STXBP5L: variants seen among roughly 807,000 people sequenced by gnomAD.
The protein encoded by STXBP5L is syntaxin binding protein 5L.
In STXBP5L, 65 loss-of-function variants were observed where a neutral mutation model predicts 144.5. That is an observed-to-expected ratio of 0.45 (90% CI 0.37 to 0.55). STXBP5L has a LOEUF of 0.55. Ranked by LOEUF, STXBP5L falls within the 20% of genes least tolerant of loss-of-function variation. STXBP5L has a pLI of 0.00. For synonymous variants in STXBP5L, 505 were observed against 469.6 expected, an observed-to-expected ratio of 1.08 and a Z score of -0.97; for missense variants, 1,298 against 1,405.5, an observed-to-expected ratio of 0.92 and a Z score of 1.22.
At chr3:121,256,654 G>T (rs1238014254) in intron 16 of STXBP5L, among the ~76,000 whole-genome samples, 1 of 151,722 alleles carries the variant, frequency 6.6e-6, no homozygotes, top group African/African-American at 2.4e-5. Context: ...TGCAATGAAA[G>T]TTTTTTATAC....
chr3:121,168,550 G>A (rs556797711), intron 9 of STXBP5L, among the ~76,000 whole-genome samples: 2 of 152,262 alleles, frequency 1.3e-5, no homozygotes, highest in Non-Finnish European at 2.9e-5. Context: ...GCATACACAA[G>A]TATCAATAGC....
chr3:121,087,497 T>C (rs1294418204), intron 5 of STXBP5L, among the ~76,000 whole-genome samples: 2 of 152,064 alleles, frequency 1.3e-5, no homozygotes, highest in Non-Finnish European at 2.9e-5. Flanking sequence ...AGTGTCTTCT[T>C]TCTAGTGATT....
chr3:121,320,988 C>T (rs1221848615), intron 20 of STXBP5L, among the ~76,000 whole-genome samples: 1 of 152,120 alleles, frequency 6.6e-6, no homozygotes, highest in Non-Finnish European at 1.5e-5. Flanking sequence ...CGTGAGCCAC[C>T]GTGCCCGGCC....
At chr3:121,363,093 T>C (rs2045762518) in intron 20 of STXBP5L, among the ~76,000 whole-genome samples, 1 of 152,124 alleles carries the variant, frequency 6.6e-6, no homozygotes, top group African/African-American at 2.4e-5. Context: ...CTGATGTGAC[T>C]GAATTGGTAT....
intron 19 of STXBP5L, among the ~76,000 whole-genome samples, chr3:121,296,557 T>C (rs1259719252): frequency 1.3e-5 from 2 of 151,828 alleles, no homozygotes; most frequent in Non-Finnish European, 2.9e-5. Context: ...TATGGAAGAG[T>C]GATACATTCA....
chr3:121,143,726 T>G (rs2045602669), intron 7 of STXBP5L, among the ~76,000 whole-genome samples: 1 of 151,830 alleles, frequency 6.6e-6, no homozygotes, highest in Admixed American at 6.6e-5. Context: ...TTTAAACAAG[T>G]GGTATTGAGA....
intron 14 of STXBP5L, among the ~76,000 whole-genome samples, chr3:121,241,711 A>G (rs2049678141): frequency 6.6e-6 from 1 of 152,186 alleles, no homozygotes. Context: ...GAAGAGAAGA[A>G]AGAGGGTGGG....
intron 20 of STXBP5L, among the ~76,000 whole-genome samples, chr3:121,364,288 C>T (rs971321734): frequency 6.6e-6 from 1 of 152,080 alleles, no homozygotes; most frequent in African/African-American, 2.4e-5. Context: ...TTTATGGGAT[C>T]TAGATTCTAC....
intron 20 of STXBP5L, among the ~76,000 whole-genome samples, chr3:121,333,566 AC>A (rs993062440): frequency 9.2e-5 from 14 of 151,892 alleles, no homozygotes; most frequent in Non-Finnish European, 1.8e-4. Flanking sequence ...CAAAAAAAAA[AC>A]ATTCAAAAGA....
intron 3 of STXBP5L, among the ~76,000 whole-genome samples, chr3:121,003,020 G>A (rs1423212293): frequency 4.6e-5 from 7 of 152,114 alleles, no homozygotes; most frequent in African/African-American, 1.7e-4. Context: ...AAACATACGT[G>A]TGCATGTGTC....
chr3:121,092,337 A>T (rs533900496), intron 5 of STXBP5L, among the ~76,000 whole-genome samples: 2 of 152,128 alleles, frequency 1.3e-5, no homozygotes, highest in African/African-American at 2.4e-5. Context: ...TGGGGATGGC[A>T]TTGAATCTAT....
intron 19 of STXBP5L, among the ~76,000 whole-genome samples, chr3:121,299,975 C>CAAAA (rs35062789): frequency 8.6e-6 from 1 of 115,738 alleles, no homozygotes; most frequent in African/African-American, 3.3e-5. Context: ...GACCTGATCT[C>CAAAA]AAAAAAAAAA....
chr3:120,978,840 C>G (rs9836297), intron 3 of STXBP5L, among the ~76,000 whole-genome samples: 15,112 of 152,222 alleles, frequency 0.099, 1,185 homozygotes, highest in Admixed American at 0.2. Context: ...GTATCAGCAG[C>G]GGTGGCTGCA....
intron 5 of STXBP5L, among the ~76,000 whole-genome samples, chr3:121,070,901 G>A (rs961204730): frequency 3.9e-5 from 6 of 152,214 alleles, no homozygotes; most frequent in South Asian, 2.1e-4. Flanking sequence ...TCGCCAATTC[G>A]GACTTTAAAC....
chr3:121,000,289 A>G lies in STXBP5L; in HGVS notation c.288-41411A>G, dbSNP rs149511338. ...TCTATAAAAATTCCATATATCTTAT[A>G]TATTATGTTCATTCTTTTACATTCT... On this transcript the variant is annotated intron_variant, in intron 3 of 26. Transcript: ENST00000471454. Among the ~76,000 whole-genome samples the G allele has an allele frequency of 9.4e-4, 143 of 152,254 alleles. 1 individual carries two copies. Among genetic ancestry groups the G allele is most frequent in the African/African-American group, 3.2e-3 (131 of 41,550 alleles).
intron 20 of STXBP5L, among the ~76,000 whole-genome samples, chr3:121,358,492 C>T (rs557301020): frequency 4.6e-4 from 70 of 152,228 alleles, no homozygotes; most frequent in Non-Finnish European, 6.8e-4. Context: ...GGGGGCAGTG[C>T]TGCATGTTTT....
chr3:120,959,460 C>A (rs983932298), intron 3 of STXBP5L, among the ~76,000 whole-genome samples: 1 of 152,018 alleles, frequency 6.6e-6, no homozygotes, highest in Non-Finnish European at 1.5e-5. Flanking sequence ...CCTAAGCCAA[C>A]AGAACAAAGC....
chr3:121,037,549 T>G (rs1946848713), intron 3 of STXBP5L, among the ~76,000 whole-genome samples: 1 of 152,124 alleles, frequency 6.6e-6, no homozygotes, highest in Non-Finnish European at 1.5e-5. Flanking sequence ...GTTGTTGTAT[T>G]AAATTTGCCA....
At chr3:121,373,397 A>G (rs948859961) in intron 20 of STXBP5L, among the ~76,000 whole-genome samples, 3 of 152,204 alleles carry the variant, frequency 2.0e-5, no homozygotes, top group African/African-American at 7.2e-5. Context: ...GCATTGTTTC[A>G]GGGAGGGAAT....
Sources: gnomAD v4.1 joint callset for allele counts (sites outside exome capture counted in the v4.1 genomes callset) on GRCh38, gnomAD v4.1.1 for gene constraint, MANE v1.5 for transcripts, NCBI Gene and HGNC (gene_info 2026-07-23, HGNC 2026-07-21) for gene names.